CXorf58: variants seen among roughly 807,000 people sequenced by gnomAD.
The protein encoded by CXorf58 is uncharacterized protein CXorf58.
In CXorf58, 24 loss-of-function variants were observed where a neutral mutation model predicts 26.0. That is an observed-to-expected ratio of 0.92 (90% CI 0.67 to 1.30). The LOEUF (loss-of-function observed/expected upper bound fraction) is 1.30, where lower values mean the gene tolerates loss of function less well. Ranked by LOEUF, CXorf58 falls within the 50% of genes most tolerant of loss-of-function variation. The pLI, the probability that CXorf58 is intolerant of heterozygous loss-of-function variation, is 0.00. For synonymous variants in CXorf58, 87 were observed against 86.1 expected (o/e 1.01, Z -0.06); for missense variants, 236 against 263.9 (o/e 0.89, Z 0.73).
intron 5 of CXorf58, among the ~76,000 whole-genome samples, chrX:23,923,700 C>T (rs1346271925): frequency 1.8e-5 from 2 of 110,705 alleles, no homozygotes; most frequent in Admixed American, 1.9e-4. Flanking sequence ...CCTGTAATCC[C>T]AGCACTTTGG....
At chrX:23,915,860 A>AT (rs1207246449) in intron 4 of CXorf58, 66 bp downstream of exon 4, 2 of 606,396 alleles carry the variant, frequency 3.3e-6, no homozygotes, top group Non-Finnish European at 5.1e-6. Flanking sequence ...TTAGATATGG[A>AT]TTTTTTAAAT....
At chrX:23,914,748 G>T (rs957619592) in intron 3 of CXorf58, among the ~76,000 whole-genome samples, 1 of 110,969 alleles carries the variant, frequency 9.0e-6, no homozygotes, top group African/African-American at 3.3e-5. Context: ...AGCCAGGCAT[G>T]GTGGCGCATG....
At chrX:23,937,426 CTTT>C in intron 7 of CXorf58, among the ~76,000 whole-genome samples, 1 of 94,975 alleles carries the variant, frequency 1.1e-5, no homozygotes, top group East Asian at 3.4e-4. Context: ...TTTTTCTTTT[CTTT>C]TTTTTTTTTT....
chrX:23,928,463 G>A (rs377137693), intron 6 of CXorf58, among the ~76,000 whole-genome samples: 3 of 111,489 alleles, frequency 2.7e-5, no homozygotes, highest in African/African-American at 9.8e-5. Context: ...GATTACAAGC[G>A]TGAGCCACCA....
At chrX:23,921,262 T>G (rs1219963366) in intron 5 of CXorf58, among the ~76,000 whole-genome samples, 1 of 111,905 alleles carries the variant, frequency 8.9e-6, no homozygotes, top group Non-Finnish European at 1.9e-5. Context: ...ACTTAAATTT[T>G]TGTTTAAATT....
chrX:23,913,639 A>T (rs985006841), intron 3 of CXorf58, among the ~76,000 whole-genome samples: 1 of 111,520 alleles, frequency 9.0e-6, no homozygotes, highest in African/African-American at 3.3e-5. Context: ...CACACCTGTA[A>T]TCCCAGCGTG....
rs1927792084 is a variant in CXorf58 at position 23,918,759 on chromosome X, T to G, written c.423+2431T>G. 2.7e-5 allele frequency among the ~76,000 whole-genome samples: 3 copies of G among 112,481 alleles called. No individual in the cohort carries two copies. In the South Asian group the frequency reaches 1.1e-3, roughly 41 times the overall value. ...TTTAGCATTTCTTGTAGGACAAGTC[T>G]GTTATTGACAAAATTCCTAAGCTTT... On this transcript the variant is annotated intron_variant, in intron 5 of 8. Coordinates refer to ENST00000379211, the MANE Select transcript of CXorf58 (RefSeq NM_152761.3).
At chrX:23,925,273 T>C (rs1419030759) in intron 5 of CXorf58, among the ~76,000 whole-genome samples, 1 of 111,318 alleles carries the variant, frequency 9.0e-6, no homozygotes, top group Non-Finnish European at 1.9e-5. Flanking sequence ...GCATTATAGC[T>C]TGCTGTTGTG....
chrX:23,912,147 T>C (rs1343091967), intron 3 of CXorf58, among the ~76,000 whole-genome samples: 4 of 110,698 alleles, frequency 3.6e-5, no homozygotes, highest in Non-Finnish European at 7.6e-5. Flanking sequence ...GCGATGGGGT[T>C]TCACCATGTT....
At chrX:23,927,046 T>C (rs944230768) in intron 5 of CXorf58, among the ~76,000 whole-genome samples, 193 bp from the exon 6 acceptor site, 3 of 111,588 alleles carry the variant, frequency 2.7e-5, no homozygotes, top group Non-Finnish European at 5.6e-5. Context: ...TAGATAAGGC[T>C]ATGGAAACAA....
intron 6 of CXorf58, among the ~76,000 whole-genome samples, chrX:23,928,372 G>A (rs927061581): frequency 1.4e-4 from 15 of 110,482 alleles, no homozygotes; most frequent in Non-Finnish European, 2.8e-4. Context: ...TAGTAGAGAC[G>A]GGGTTTCACC....
At chrX:23,916,903 A>G (rs1216192754) in intron 5 of CXorf58, among the ~76,000 whole-genome samples, 3 of 109,777 alleles carry the variant, frequency 2.7e-5, no homozygotes, top group African/African-American at 9.9e-5. Flanking sequence ...AAAAAAAAAA[A>G]GACTAAAATT....
intron 5 of CXorf58, among the ~76,000 whole-genome samples, chrX:23,923,725 C>G (rs1927930053): frequency 9.0e-6 from 1 of 111,086 alleles, no homozygotes; most frequent in Non-Finnish European, 1.9e-5. Flanking sequence ...CCAAGGCAGG[C>G]AGATCACCTG....
At chrX:23,930,935 T>A (rs769300470) in intron 6 of CXorf58, among the ~76,000 whole-genome samples, 8 of 111,456 alleles carry the variant, frequency 7.2e-5, no homozygotes, top group Admixed American at 3.8e-4. Flanking sequence ...CATTTTTTTT[T>A]AAATAATGCT....
intron 6 of CXorf58, among the ~76,000 whole-genome samples, chrX:23,931,571 G>GA (rs1266214184): frequency 1.8e-5 from 2 of 111,682 alleles, no homozygotes; most frequent in East Asian, 5.6e-4. Context: ...CTTCACTCAG[G>GA]AAAAAAAATA....
chrX:23,931,821 C>A (rs1169133610), intron 6 of CXorf58, among the ~76,000 whole-genome samples: 2 of 111,897 alleles, frequency 1.8e-5, no homozygotes, highest in Non-Finnish European at 3.8e-5. Context: ...ACAAAACAAG[C>A]TTCTTTGTCA....
At chrX:23,929,924 G>A (rs1000394046) in intron 6 of CXorf58, among the ~76,000 whole-genome samples, 4 of 111,350 alleles carry the variant, frequency 3.6e-5, no homozygotes, top group Middle Eastern at 4.7e-3. Flanking sequence ...CTATCCGGGC[G>A]GAGTGGCTCA....
At chrX:23,925,919 G>A (rs1928000932) in intron 5 of CXorf58, among the ~76,000 whole-genome samples, 1 of 105,945 alleles carries the variant, frequency 9.4e-6, no homozygotes, top group African/African-American at 3.5e-5. Context: ...CTCCCGAGCA[G>A]CTGACATTAC....
At chrX:23,915,184 C>A (rs1188988199) in intron 3 of CXorf58, among the ~76,000 whole-genome samples, 2 of 112,261 alleles carry the variant, frequency 1.8e-5, no homozygotes, top group Admixed American at 1.9e-4. Context: ...ATTAAATGAG[C>A]TAATGTATAT....
Sources: allele counts gnomAD v4.1 joint callset (sites outside exome capture counted in the v4.1 genomes callset), GRCh38; gene constraint gnomAD v4.1.1; transcripts MANE v1.5; gene names NCBI Gene and HGNC (gene_info 2026-07-23, HGNC 2026-07-21).